Variants in DISC1 observed in about 807,000 individuals in gnomAD.
DISC1 encodes DISC1 scaffold protein, also known as disrupted in schizophrenia 1 protein.
DISC1 carries 57 observed loss-of-function variants against 84.5 expected under a neutral mutation model. That is an observed-to-expected ratio of 0.67 (90% CI 0.55 to 0.84). The LOEUF is 0.84. Ranked by LOEUF, DISC1 falls within the 40% of genes least tolerant of loss-of-function variation. The probability of loss-of-function intolerance (pLI) is 0.00; values close to 1 mark genes in which losing one functional copy is unlikely to be tolerated. For missense variants in DISC1, 1,000 were observed against 1,057.8 expected (o/e 0.95, Z 0.76); for synonymous variants, 411 against 415.2 (o/e 0.99, Z 0.12).
rs1271649454 is a variant in DISC1 at position 231,650,260 on chromosome 1, G to A, written c.67+23326G>A. ...GGAGCTCTTGTAAGGCAGACCTAGT[G>A]GTAACAAAATCTCTGAGCATTTGCT... On this transcript the variant is annotated intron_variant, in intron 1 of 12. Coordinates refer to ENST00000439617, the MANE Select transcript of DISC1 (RefSeq NM_018662.3). Among the ~76,000 whole-genome samples the A allele has an allele frequency of 2.6e-5, 4 of 152,080 alleles. No homozygotes were observed. In the East Asian group the frequency reaches 7.7e-4, roughly 29 times the overall value.
intron 10 of DISC1, among the ~76,000 whole-genome samples, chr1:231,975,596 T>C (rs1174004868): frequency 2.0e-5 from 3 of 152,152 alleles, no homozygotes; most frequent in African/African-American, 7.2e-5. Flanking sequence ...ATTTGGCATA[T>C]ATACACAATG....
Position 232,024,678 on chromosome 1 carries a change from C to T in DISC1, c.2308-1757C>T, listed in dbSNP as rs183281240. Among the ~76,000 whole-genome samples the T allele has an allele frequency of 3.2e-3, 488 of 151,986 alleles. 2 individuals carry two copies. The highest frequency in any genetic ancestry group is 0.01 in the African/African-American group (429 of 41,486). ...CATGATCTCAGATCACTGCAATCTC[C>T]GCCTCCCGGGTTCAAGCGATTCTTC... On this transcript the variant is annotated intron_variant, in intron 11 of 12. Transcript: ENST00000439617.
At chr1:231,882,801 G>T (rs1434368575) in intron 9 of DISC1, among the ~76,000 whole-genome samples, 1 of 152,052 alleles carries the variant, frequency 6.6e-6, no homozygotes, top group Non-Finnish European at 1.5e-5. Flanking sequence ...TTATCTAGGT[G>T]TGAACGTGGA....
At chr1:231,849,269 C>T (rs879687524) in intron 9 of DISC1, among the ~76,000 whole-genome samples, 5 of 151,980 alleles carry the variant, frequency 3.3e-5, no homozygotes, top group Admixed American at 1.3e-4. Context: ...CATAGGGATG[C>T]GCCACCACGC....
Position 232,038,231 on chromosome 1 carries a change from T to C in DISC1, c.*1400T>C, listed in dbSNP as rs1558861712. Reference sequence around the variant, plus strand: ...GTACTGAGTACTTATATAGGCAATGTAGTACTCAGTAAATCAGTGCAGTAC... The same window carrying C: ...GTACTGAGTACTTATATAGGCAATGCAGTACTCAGTAAATCAGTGCAGTAC... On this transcript the variant is annotated 3_prime_UTR_variant, in exon 13 of 13. Transcript: ENST00000439617. 1 of 151,616 alleles carries C rather than the reference T, an allele frequency of 6.6e-6. No homozygotes were observed. Among genetic ancestry groups the C allele is most frequent in the Admixed American group, 6.6e-5 (1 of 15,246 alleles). 9.4% of individuals were successfully genotyped at this position (151,616 alleles called of 1,614,324 possible).
chr1:231,713,869 A>G (rs2068300596), intron 3 of DISC1, among the ~76,000 whole-genome samples: 1 of 148,922 alleles, frequency 6.7e-6, no homozygotes, highest in Admixed American at 6.7e-5. Context: ...AGATATATAT[A>G]TATCTGCTTT....
rs1362929774 is a variant in DISC1 at position 231,814,967 on chromosome 1, T to TAAC, written c.1793-3360_1793-3359insCAA. 6 of 147,628 alleles carry TAAC rather than the reference T, an allele frequency of 4.1e-5. No homozygotes were observed. The East Asian group carries it at 1.2e-3, about 29-fold the overall frequency. The allele number at this position is 147,628 out of a possible 1,614,324, so 9.1% of individuals were successfully genotyped here. A position where few individuals can be genotyped will look rare whatever the true frequency, so the allele number is the denominator to read the frequency against. ...ATAATAATAATAATAATAATAATAA[T>TAAC]AATAATAATAATATAAGATATAACC... is the stretch of plus-strand genomic sequence containing the variant. On this transcript the variant is annotated intron_variant, in intron 8 of 12. Coordinates refer to ENST00000439617, the MANE Select transcript of DISC1 (RefSeq NM_018662.3).
chr1:231,767,392 TC>T, intron 5 of DISC1, 123 bp downstream of exon 5: 1 of 1,395,896 alleles, frequency 7.2e-7, no homozygotes, highest in Non-Finnish European at 9.8e-7. Context: ...AGCCTTGAGC[TC>T]CTGGGTGATT....
chr1:231,886,774 T>TC (rs1558692012), intron 9 of DISC1, among the ~76,000 whole-genome samples: 67 of 50,000 alleles, frequency 1.3e-3, no homozygotes, highest in African/African-American at 4.9e-3. Context: ...TTCCTTTCTT[T>TC]CTTTCTTTCT....
intron 8 of DISC1, among the ~76,000 whole-genome samples, chr1:231,808,899 G>GT (rs559222085): frequency 3.0e-4 from 46 of 152,318 alleles, no homozygotes; most frequent in Middle Eastern, 6.8e-3. Flanking sequence ...TTCAAAAAGT[G>GT]TAATTTACGG....
intron 9 of DISC1, among the ~76,000 whole-genome samples, chr1:231,904,582 G>A (rs1470263203): frequency 6.6e-6 from 1 of 152,098 alleles, no homozygotes; most frequent in Non-Finnish European, 1.5e-5. Context: ...GAATATCAAG[G>A]CAGTGTGTAT....
intron 12 of DISC1, among the ~76,000 whole-genome samples, chr1:232,030,841 C>T (rs980910064): frequency 2.6e-5 from 4 of 152,038 alleles, no homozygotes; most frequent in African/African-American, 7.2e-5. Flanking sequence ...TGGCCAGGTG[C>T]GGTGGCTTAC....
At chr1:231,671,982 A>G (rs2062670963) in intron 1 of DISC1, among the ~76,000 whole-genome samples, 1 of 152,332 alleles carries the variant, frequency 6.6e-6, no homozygotes, top group East Asian at 1.9e-4. Flanking sequence ...CACTTTGCTC[A>G]TTTCAGTGGG....
intron 11 of DISC1, among the ~76,000 whole-genome samples, chr1:232,018,038 G>A (rs1668638307): frequency 1.3e-5 from 2 of 152,142 alleles, no homozygotes; most frequent in Admixed American, 6.5e-5. Context: ...TTCTGCAAAT[G>A]TATGCTCTGT....
intron 1 of DISC1, among the ~76,000 whole-genome samples, chr1:231,637,068 TC>T (rs1364127686): frequency 3.3e-5 from 5 of 152,160 alleles, no homozygotes; most frequent in Admixed American, 6.5e-5. Context: ...GGTTTTCTGT[TC>T]CTGTGTTAGT....
At position 231,694,389 on chromosome 1, in the gene DISC1, A is replaced by C. The variant is rs752952040; in HGVS notation, c.631A>C (p.Ser211Arg). 14 of 1,614,198 alleles carry C rather than the reference A, an allele frequency of 8.7e-6. No individual in the cohort carries two copies. The South Asian group carries it at 1.5e-4, about 18-fold the overall frequency. Reference sequence around the variant, plus strand: ...TCACAGTGCCTTTACCTCAAGCTTTAGCTTTATTCGGCTCTCGCTTGGCTC... The same window carrying C: ...TCACAGTGCCTTTACCTCAAGCTTTCGCTTTATTCGGCTCTCGCTTGGCTC... ...GSHSAFTSSFSFIRLSLGSAG... is the reference protein window; with the variant it reads ...GSHSAFTSSFRFIRLSLGSAG... Residue 211 changes from serine (S) to arginine (R), a missense_variant, in exon 2 of 13, where the codon AGC (serine) becomes CGC (arginine). Ser to Arg is a moderately radical substitution (Grantham distance 110). Around this residue, in one of 3 missense-constraint regions of DISC1, gnomAD observed 311 missense variants for 400.1 expected, o/e 0.78. Transcript: ENST00000439617.
chr1:231,861,961 T>C (rs1253826702), intron 9 of DISC1, among the ~76,000 whole-genome samples: 1 of 152,192 alleles, frequency 6.6e-6, no homozygotes, highest in African/African-American at 2.4e-5. Flanking sequence ...AAAGTCCTGA[T>C]TGGCAACGTC....
chr1:231,870,933 T>A (rs200924544), intron 9 of DISC1, among the ~76,000 whole-genome samples: 1 of 152,242 alleles, frequency 6.6e-6, no homozygotes, highest in African/African-American at 2.4e-5. Flanking sequence ...TTAATTTTGC[T>A]CTAGTAATGC....
At chr1:231,669,487 A>G (rs2062359243) in intron 1 of DISC1, among the ~76,000 whole-genome samples, 1 of 152,254 alleles carries the variant, frequency 6.6e-6, no homozygotes, top group Non-Finnish European at 1.5e-5. Flanking sequence ...ACGAAGGTCT[A>G]ATATCCAGCA....
Sources: gnomAD v4.1 joint callset for allele counts (sites outside exome capture counted in the v4.1 genomes callset) on GRCh38, gnomAD v4.1.1 for gene constraint, gnomAD v4.1.1 regional missense constraint, MANE v1.5 for transcripts, NCBI Gene and HGNC (gene_info 2026-07-23, HGNC 2026-07-21) for gene names.